The following KCNAB1 variants were observed in gnomAD, a reference collection of about 807,000 sequenced individuals.
The protein encoded by KCNAB1 is potassium voltage-gated channel subfamily A regulatory beta subunit 1.
In KCNAB1, 35 loss-of-function variants were observed where a neutral mutation model predicts 64.6. The observed-to-expected ratio is 0.54, with a 90% CI of 0.41 to 0.72. The LOEUF (loss-of-function observed/expected upper bound fraction) is 0.72. Ranked by LOEUF, KCNAB1 falls within the 30% of genes least tolerant of loss-of-function variation. The probability of loss-of-function intolerance (pLI) is 0.00; values close to 1 mark genes in which losing one functional copy is unlikely to be tolerated. For missense variants in KCNAB1, 401 were observed against 512.9 expected (o/e 0.78, Z 2.11); for synonymous variants, 177 against 183.8 (o/e 0.96, Z 0.30).
intron 1 of KCNAB1, among the ~76,000 whole-genome samples, chr3:156,417,462 T>C (rs1160214517): frequency 6.6e-6 from 1 of 152,234 alleles, no homozygotes; most frequent in East Asian, 1.9e-4. Flanking sequence ...TTTTGCCCCA[T>C]GCATATGCTT....
intron 1 of KCNAB1, among the ~76,000 whole-genome samples, chr3:156,226,660 G>A (rs1406866946): frequency 6.6e-6 from 1 of 152,092 alleles, no homozygotes; most frequent in Non-Finnish European, 1.5e-5. Context: ...ACTTATTCAT[G>A]TAACCAAGTA....
At chr3:156,442,447 T>C (rs1415442123) in intron 2 of KCNAB1, among the ~76,000 whole-genome samples, 1 of 152,144 alleles carries the variant, frequency 6.6e-6, no homozygotes, top group Admixed American at 6.5e-5. Flanking sequence ...TCCAGACAGA[T>C]TTGCCCTGAA....
intron 1 of KCNAB1, among the ~76,000 whole-genome samples, chr3:156,381,699 G>A (rs1255999388): frequency 1.3e-5 from 2 of 152,174 alleles, no homozygotes; most frequent in African/African-American, 4.8e-5. Flanking sequence ...AAATGGAGCT[G>A]TTTCAGCAGG....
intron 1 of KCNAB1, among the ~76,000 whole-genome samples, chr3:156,236,371 G>GT (rs1162629570): frequency 6.6e-6 from 1 of 152,156 alleles, no homozygotes; most frequent in Admixed American, 6.5e-5. Context: ...ACCTGGGGGA[G>GT]ATTTGCAAGA....
chr3:156,512,741 TA>T (rs1483323865), intron 8 of KCNAB1, among the ~76,000 whole-genome samples: 7 of 152,258 alleles, frequency 4.6e-5, no homozygotes, highest in African/African-American at 1.7e-4. Context: ...ATATGTTTTA[TA>T]AATGGAGAAT....
In KCNAB1 at chr3:156,386,308, G is replaced by A. The variant is rs753600860; in HGVS notation, c.276-35308G>A. Among the ~76,000 whole-genome samples the A allele has an allele frequency of 4.6e-5, 7 of 152,132 alleles. No individual in the cohort carries two copies. The South Asian group carries it at 6.2e-4, about 14-fold the overall frequency. On this transcript the variant is annotated intron_variant, in intron 1 of 13. Coordinates refer to ENST00000490337, the MANE Select transcript of KCNAB1 (RefSeq NM_172160.3). ...CCTTTAGGGTGGGATGCCTTCATGC[G>A]CAGTGCCCTCCTTGCCATTGACAGG...
chr3:156,524,539 A>T (rs1718166788), intron 12 of KCNAB1, among the ~76,000 whole-genome samples: 1 of 152,090 alleles, frequency 6.6e-6, no homozygotes. Flanking sequence ...TGAGGTCAGG[A>T]GATCGAGACC....
intron 8 of KCNAB1, among the ~76,000 whole-genome samples, chr3:156,498,636 ACTAATACATGAC>A (rs1391655901): frequency 4.6e-5 from 7 of 152,360 alleles, no homozygotes; most frequent in African/African-American, 1.7e-4. Context: ...ATGAAGATGG[ACTAATACATGAC>A]CTAATTAAAG....
chr3:156,221,417 C>T (rs1715724274), intron 1 of KCNAB1, among the ~76,000 whole-genome samples: 1 of 152,120 alleles, frequency 6.6e-6, no homozygotes, highest in Non-Finnish European at 1.5e-5. Context: ...ACAGATTTCT[C>T]AGCAGAAACC....
chr3:156,341,184 A>C (rs1724085253), intron 1 of KCNAB1, among the ~76,000 whole-genome samples: 1 of 152,240 alleles, frequency 6.6e-6, no homozygotes, highest in Non-Finnish European at 1.5e-5. Context: ...AGATGTATAG[A>C]TATAGATATT....
rs557460305 is a variant in KCNAB1, at chr3:156,205,654, T to C, written c.275+84768T>C. Among the ~76,000 whole-genome samples, 201 of 152,316 alleles carry C rather than the reference T, an allele frequency of 1.3e-3. No homozygotes were observed. In the South Asian group the frequency reaches 0.016, roughly 12 times the overall value. Reference sequence around the variant, plus strand: ...GCTCTCTCCCTAAACTACCCGCTCCTTCCTCTGCACTGAGACATAATCTCT... The same window carrying C: ...GCTCTCTCCCTAAACTACCCGCTCCCTCCTCTGCACTGAGACATAATCTCT... On this transcript the variant is annotated intron_variant, in intron 1 of 13. Coordinates refer to ENST00000490337, the MANE Select transcript of KCNAB1 (RefSeq NM_172160.3).
intron 1 of KCNAB1, among the ~76,000 whole-genome samples, chr3:156,138,137 C>T (rs557256735): frequency 6.6e-6 from 1 of 152,306 alleles, no homozygotes; most frequent in African/African-American, 2.4e-5. Context: ...GGTCTTGCCA[C>T]ATATAGCTAG....
intron 1 of KCNAB1, among the ~76,000 whole-genome samples, chr3:156,351,422 A>G (rs1056546592): frequency 6.6e-6 from 1 of 152,240 alleles, no homozygotes; most frequent in Non-Finnish European, 1.5e-5. Flanking sequence ...GCTGGGCTCC[A>G]CCCAGTCTTT....
intron 1 of KCNAB1, among the ~76,000 whole-genome samples, chr3:156,347,188 A>G (rs961415476): frequency 3.3e-5 from 5 of 152,230 alleles, no homozygotes; most frequent in African/African-American, 9.6e-5. Flanking sequence ...CTCAAGTACC[A>G]GATAAAGACT....
intron 1 of KCNAB1, among the ~76,000 whole-genome samples, chr3:156,247,080 A>C (rs1376921854): frequency 6.6e-6 from 1 of 152,176 alleles, no homozygotes; most frequent in Non-Finnish European, 1.5e-5. Flanking sequence ...AAAAAAAACT[A>C]GTGATGTTGG....
Position 156,515,109 on chromosome 3 carries a change from T to C in KCNAB1, c.754T>C (p.Ser252Pro). 1 of 1,607,174 alleles carries C rather than the reference T, an allele frequency of 6.2e-7. No homozygotes were observed. Among genetic ancestry groups the C allele is most frequent in the Non-Finnish European group, 8.5e-7 (1 of 1,177,288 alleles). The part of the protein sequence containing the change: ...WSAMEIMEAY[S>P]VARQFNMIPP... ...TCTCATTCCTCCCTAGGAAGCCTAT[T>C]CTGTAGCAAGACAGTTCAATATGAT... The change falls in exon 10 of 14, where the codon TCT becomes CCT. Residue 252 changes from serine (S) to proline (P), a missense_variant. Coordinates refer to ENST00000490337, the MANE Select transcript of KCNAB1 (RefSeq NM_172160.3).
intron 1 of KCNAB1, among the ~76,000 whole-genome samples, chr3:156,312,447 A>T (rs890372972): frequency 6.6e-6 from 1 of 152,202 alleles, no homozygotes; most frequent in Non-Finnish European, 1.5e-5. Flanking sequence ...GCTATGTCAA[A>T]TATTTCATAA....
At chr3:156,198,913 ATTTTTTTTTTT>A (rs71138701) in intron 1 of KCNAB1, among the ~76,000 whole-genome samples, 15 of 21,290 alleles carry the variant, frequency 7.0e-4, no homozygotes, top group East Asian at 1.2e-3. Context: ...TTATATTTTG[ATTTTTTTTTTT>A]TTTTTTTTTT....
chr3:156,155,142 G>A (rs554537906), intron 1 of KCNAB1, among the ~76,000 whole-genome samples: 159 of 152,250 alleles, frequency 1.0e-3, no homozygotes, highest in South Asian at 1.7e-3. Context: ...TATTTTGTAT[G>A]ACCACTAGTC....
Sources: allele counts gnomAD v4.1 joint callset (sites outside exome capture counted in the v4.1 genomes callset), GRCh38; gene constraint gnomAD v4.1.1; transcripts MANE v1.5; gene names NCBI Gene and HGNC (gene_info 2026-07-23, HGNC 2026-07-21).